Variants in TTC23L observed in about 807,000 individuals in gnomAD.
The protein encoded by TTC23L is tetratricopeptide repeat domain 23 like, also known as tetratricopeptide repeat protein 23-like.
TTC23L carries 42 observed loss-of-function variants against 48.1 expected under a neutral mutation model. The ratio of observed to expected loss-of-function variants is 0.87; its 90% CI spans 0.68 to 1.13. TTC23L has a LOEUF of 1.13. Among genes scored for constraint, TTC23L ranks in the 50% most tolerant of loss-of-function variants. The probability of loss-of-function intolerance (pLI) is 0.00; values close to 1 mark genes in which losing one functional copy is unlikely to be tolerated. For missense variants in TTC23L, 391 were observed against 421.0 expected (o/e 0.93, Z 0.62); for synonymous variants, 159 against 157.2 (o/e 1.01, Z -0.09).
At chr5:34,845,149 G>A (rs1036169665) in intron 2 of TTC23L, among the ~76,000 whole-genome samples, 2 of 152,194 alleles carry the variant, frequency 1.3e-5, no homozygotes, top group African/African-American at 4.8e-5. Context: ...ACACTGTGCT[G>A]ATTTATGAGT....
intron 3 of TTC23L, 115 bp from the exon 4 acceptor site, chr5:34,850,065 GAAGGA>G: frequency 8.5e-7 from 1 of 1,169,760 alleles, no homozygotes; most frequent in Non-Finnish European, 1.2e-6. Flanking sequence ...CACAGGATGA[GAAGGA>G]AAGAGAAGAG....
chr5:34,867,143 C>T, intron 7 of TTC23L, 74 bp downstream of exon 7: 2 of 1,439,770 alleles, frequency 1.4e-6, no homozygotes, highest in Non-Finnish European at 1.9e-6. Context: ...GCCAGGGAAG[C>T]ATGGGCTTCT....
the TTC23L span, chr5:34,924,840 A>G: frequency 6.3e-7 from 1 of 1,589,664 alleles, no homozygotes; most frequent in South Asian, 1.1e-5. Context: ...TTTCCTTTTT[A>G]TTAAAGATCA....
At chr5:34,874,499 GT>G (rs892104844) in intron 8 of TTC23L, among the ~76,000 whole-genome samples, 1 of 152,088 alleles carries the variant, frequency 6.6e-6, no homozygotes, top group Non-Finnish European at 1.5e-5. Context: ...ACTAAAAAGA[GT>G]TTTTTAAAAA....
chr5:34,909,040 A>G, the TTC23L span: 4 of 1,236,896 alleles, frequency 3.2e-6, no homozygotes, highest in African/African-American at 1.5e-5. Flanking sequence ...AAATCTAAGA[A>G]TAAAATCAAG....
At chr5:34,839,665 C>T in intron 1 of TTC23L, 1 of 985,220 alleles carries the variant, frequency 1.0e-6, no homozygotes, top group Non-Finnish European at 1.2e-6. Flanking sequence ...GTCAGAAAGC[C>T]ACTCAGGGCT....
chr5:34,880,475 T>C (rs1034598226), intron 9 of TTC23L, among the ~76,000 whole-genome samples, 167 bp downstream of exon 9: 1 of 152,150 alleles, frequency 6.6e-6, no homozygotes, highest in African/African-American at 2.4e-5. Context: ...TATTTTTTTT[T>C]CAGATTGGTT....
chr5:34,868,332 G>C (rs1265159521), intron 7 of TTC23L: 1 of 152,858 alleles, frequency 6.5e-6, no homozygotes, highest in Non-Finnish European at 1.5e-5. Context: ...AGCACAGGTG[G>C]TTCTTTTGTG....
chr5:34,884,825 C>T (rs1428600103), intron 9 of TTC23L, among the ~76,000 whole-genome samples: 1 of 152,104 alleles, frequency 6.6e-6, no homozygotes, highest in Non-Finnish European at 1.5e-5. Flanking sequence ...ACAGTAGTAG[C>T]CTTGAGATTC....
At chr5:34,896,987 A>G in intron 10 of TTC23L, 112 bp downstream of exon 10, 1 of 532,364 alleles carries the variant, frequency 1.9e-6, no homozygotes, top group Non-Finnish European at 3.4e-6. Flanking sequence ...AAGGCTCTGT[A>G]GCAGAAAGAC....
rs761729443 is a variant in TTC23L, at chr5:34,840,721, G to A, written c.50G>A (p.Trp17Ter). 3.1e-6 allele frequency: 5 copies of A among 1,613,804 alleles called. No individual in the cohort carries two copies. The East Asian group carries it at 8.9e-5, about 29-fold the overall frequency. ...CCAACTGTTAGCAATGACATCGACTGGGATTTCTGCTTCCATATGTAAGTA... is the reference window on the plus strand; with the variant it reads ...CCAACTGTTAGCAATGACATCGACTAGGATTTCTGCTTCCATATGTAAGTA... Residue 17 changes from tryptophan to a stop codon, truncating the protein, a stop_gained, in exon 2 of 11, where the codon TGG becomes TAG. Coordinates refer to ENST00000505624, the Ensembl canonical transcript of TTC23L. LOFTEE classifies it high-confidence loss of function.
chr5:34,878,014 A>G (rs1225554596), intron 8 of TTC23L, among the ~76,000 whole-genome samples: 1 of 152,366 alleles, frequency 6.6e-6, no homozygotes, highest in East Asian at 1.9e-4. Context: ...GCAGAAGTCA[A>G]TACTTTCCTA....
At chr5:34,881,388 C>T (rs1170313904) in intron 9 of TTC23L, among the ~76,000 whole-genome samples, 3 of 152,214 alleles carry the variant, frequency 2.0e-5, no homozygotes, top group Admixed American at 6.5e-5. Flanking sequence ...TCATTCAAAA[C>T]CTTTTGACTT....
At chr5:34,893,086 C>T (rs1005120109) in intron 9 of TTC23L, among the ~76,000 whole-genome samples, 1 of 151,944 alleles carries the variant, frequency 6.6e-6, no homozygotes, top group Non-Finnish European at 1.5e-5. Context: ...ATGTTTAGAC[C>T]CTTAATTATC....
At chr5:34,922,279 C>G in the TTC23L span, 2 of 1,563,426 alleles carry the variant, frequency 1.3e-6, no homozygotes, top group African/African-American at 1.4e-5. Context: ...AACAGGATCT[C>G]TATATGTGGT....
chr5:34,843,464 CT>C (rs1185331858), intron 2 of TTC23L, among the ~76,000 whole-genome samples: 2 of 152,220 alleles, frequency 1.3e-5, no homozygotes, highest in African/African-American at 4.8e-5. Flanking sequence ...CTCAATGTTT[CT>C]CATTCCTTTG....
At chr5:34,888,591 C>A in intron 9 of TTC23L, 1 of 887,584 alleles carries the variant, frequency 1.1e-6, no homozygotes, top group Non-Finnish European at 1.3e-6. Flanking sequence ...ATATGCATGG[C>A]ATGGCCTCTC....
chr5:34,919,854 C>T, the TTC23L span: 9 of 1,151,504 alleles, frequency 7.8e-6, no homozygotes, highest in Non-Finnish European at 9.9e-6. Context: ...TAAAATGGAT[C>T]GTAAGGATAA....
intron 9 of TTC23L, among the ~76,000 whole-genome samples, chr5:34,882,470 T>C (rs1176795868): frequency 6.6e-6 from 1 of 152,226 alleles, no homozygotes; most frequent in Non-Finnish European, 1.5e-5. Context: ...GCCTGATAAC[T>C]TTTGAATGAA....
Sources: gnomAD v4.1 joint callset for allele counts (sites outside exome capture counted in the v4.1 genomes callset) on GRCh38, gnomAD v4.1.1 for gene constraint, MANE v1.5 for transcripts, NCBI Gene and HGNC (gene_info 2026-07-23, HGNC 2026-07-21) for gene names.